RFX3: variants seen among roughly 807,000 people sequenced by gnomAD.
The protein encoded by RFX3 is transcription factor RFX3.
RFX3 carries 14 observed loss-of-function variants against 98.6 expected under a neutral mutation model. That is an observed-to-expected ratio of 0.14 (90% CI 0.09 to 0.22). RFX3 has a LOEUF of 0.22. Ranked by LOEUF, RFX3 falls within the 10% of genes least tolerant of loss-of-function variation. The pLI is 1.00. For missense variants in RFX3, 639 were observed against 926.9 expected (o/e 0.69, Z 4.03); for synonymous variants, 383 against 328.4 (o/e 1.17, Z -1.80).
intron 1 of RFX3, among the ~76,000 whole-genome samples, chr9:3,428,617 A>G (rs1844340841): frequency 6.6e-6 from 1 of 152,202 alleles, no homozygotes; most frequent in Non-Finnish European, 1.5e-5. Context: ...AAAATCTCAA[A>G]TGATCTGAAT....
chr9:3,339,253 C>T (rs1287896089), intron 3 of RFX3, among the ~76,000 whole-genome samples: 1 of 152,002 alleles, frequency 6.6e-6, no homozygotes, highest in Non-Finnish European at 1.5e-5. Flanking sequence ...AAAAGATATA[C>T]ATAGTCAGTA....
chr9:3,476,981 G>C (rs910834347), intron 1 of RFX3, among the ~76,000 whole-genome samples: 1 of 152,092 alleles, frequency 6.6e-6, no homozygotes. Flanking sequence ...ACACACCCTA[G>C]TGAGATATTG....
At chr9:3,416,075 T>C (rs1174688817) in intron 1 of RFX3, among the ~76,000 whole-genome samples, 1 of 152,232 alleles carries the variant, frequency 6.6e-6, no homozygotes, top group African/African-American at 2.4e-5. Flanking sequence ...TAATTTACTG[T>C]GTAAGTAAAA....
chr9:3,339,832 G>A (rs1410231741), intron 3 of RFX3, among the ~76,000 whole-genome samples: 1 of 152,106 alleles, frequency 6.6e-6, no homozygotes, highest in African/African-American at 2.4e-5. Flanking sequence ...ACTGCCCAAG[G>A]TAATTTATAG....
At chr9:3,317,978 T>TC (rs1830824041) in intron 4 of RFX3, among the ~76,000 whole-genome samples, 1 of 152,172 alleles carries the variant, frequency 6.6e-6, no homozygotes, top group South Asian at 2.1e-4. Context: ...TCCTCAGGGA[T>TC]CTAGAACTAG....
At chr9:3,429,168 G>C in intron 1 of RFX3, among the ~76,000 whole-genome samples, 1 of 150,852 alleles carries the variant, frequency 6.6e-6, no homozygotes, top group Non-Finnish European at 1.5e-5. Flanking sequence ...GACTACAGGC[G>C]CCCGCCAACA....
chr9:3,288,274 T>C, intron 6 of RFX3, 24 bp from the exon 7 acceptor site: 1 of 1,608,718 alleles, frequency 6.2e-7, no homozygotes, highest in East Asian at 2.2e-5. Flanking sequence ...CAAGAAACAT[T>C]AGAAACAAAA....
At chr9:3,391,679 G>T (rs917532716) in intron 2 of RFX3, among the ~76,000 whole-genome samples, 3 of 151,930 alleles carry the variant, frequency 2.0e-5, no homozygotes, top group Non-Finnish European at 4.4e-5. Flanking sequence ...GGGTGGTGAG[G>T]GTGTGTATGT....
chr9:3,295,913 A>C (rs2129804121), intron 5 of RFX3, among the ~76,000 whole-genome samples: 1 of 152,220 alleles, frequency 6.6e-6, no homozygotes, highest in East Asian at 1.9e-4. Flanking sequence ...ATAAAAGCAA[A>C]TTAAAAAAAT....
At chr9:3,293,350 A>G (rs1827616877) in intron 5 of RFX3, 92 bp from the exon 6 acceptor site, 3 of 904,512 alleles carry the variant, frequency 3.3e-6, no homozygotes, top group East Asian at 5.2e-5. Flanking sequence ...AGAAATACTT[A>G]GAAGTTCTTC....
At chr9:3,504,216 T>A (rs1816411363) in intron 1 of RFX3, among the ~76,000 whole-genome samples, 2 of 134,850 alleles carry the variant, frequency 1.5e-5, no homozygotes, top group South Asian at 4.3e-4. Context: ...ATATATTATA[T>A]ACTATATTAT....
intron 2 of RFX3, among the ~76,000 whole-genome samples, chr9:3,358,858 C>T (rs1836076643): frequency 6.6e-6 from 1 of 151,912 alleles, no homozygotes; most frequent in Non-Finnish European, 1.5e-5. Context: ...AGAAAGAATG[C>T]CAAGCGAAGG....
chr9:3,518,994 T>A (rs1352626006), intron 1 of RFX3, among the ~76,000 whole-genome samples: 2 of 152,194 alleles, frequency 1.3e-5, no homozygotes, highest in Non-Finnish European at 2.9e-5. Flanking sequence ...AGACTATTTA[T>A]TATTATTAAA....
chr9:3,348,682 G>A (rs1734552790), intron 2 of RFX3, among the ~76,000 whole-genome samples: 1 of 151,990 alleles, frequency 6.6e-6, no homozygotes, highest in African/African-American at 2.4e-5. Context: ...ACCCTCCAGA[G>A]GTGATCGGTG....
At chr9:3,400,153 G>C (rs1841329004) in intron 1 of RFX3, 7 of 585,466 alleles carry the variant, frequency 1.2e-5, no homozygotes, top group Non-Finnish European at 1.5e-5. Flanking sequence ...AGTTAACTGA[G>C]GCCCAGAGAT....
chr9:3,389,917 G>T (rs1370198405), intron 2 of RFX3, among the ~76,000 whole-genome samples: 1 of 152,010 alleles, frequency 6.6e-6, no homozygotes, highest in Non-Finnish European at 1.5e-5. Flanking sequence ...TCTTTGTTCA[G>T]AATTCTCTAT....
chr9:3,482,844 T>A (rs1254819145), intron 1 of RFX3, among the ~76,000 whole-genome samples: 1 of 152,164 alleles, frequency 6.6e-6, no homozygotes, highest in Admixed American at 6.6e-5. Context: ...CCTAGAGACC[T>A]TGATTCTGTA....
chr9:3,416,480 T>C (rs1842990267), intron 1 of RFX3, among the ~76,000 whole-genome samples: 1 of 150,722 alleles, frequency 6.6e-6, no homozygotes, highest in African/African-American at 2.5e-5. Flanking sequence ...AGAAAGGATG[T>C]TATCAGTATT....
intron 2 of RFX3, among the ~76,000 whole-genome samples, chr9:3,353,421 G>C (rs537114929): frequency 6.6e-6 from 1 of 152,120 alleles, no homozygotes; most frequent in East Asian, 1.9e-4. Flanking sequence ...GAGTATTAAA[G>C]AAGGCATTAG....
Sources: allele counts gnomAD v4.1 joint callset (sites outside exome capture counted in the v4.1 genomes callset), GRCh38; gene constraint gnomAD v4.1.1; transcripts MANE v1.5; gene names NCBI Gene and HGNC (gene_info 2026-07-23, HGNC 2026-07-21).